The following CCSER1 variants were observed in gnomAD, a reference collection of about 807,000 sequenced individuals.
CCSER1 encodes the protein serine-rich coiled-coil domain-containing protein 1.
Under a neutral mutation model 82.0 loss-of-function variants are expected in CCSER1, and 41 were observed. The observed-to-expected ratio is 0.50, with a 90% CI of 0.39 to 0.65. CCSER1 has a LOEUF of 0.65. Ranked by LOEUF, CCSER1 falls within the 30% of genes least tolerant of loss-of-function variation. CCSER1 has a pLI of 0.00. For missense variants in CCSER1, 1,119 were observed against 1,064.2 expected (o/e 1.05, Z -0.72); for synonymous variants, 414 against 383.9 (o/e 1.08, Z -0.92).
intron 9 of CCSER1, among the ~76,000 whole-genome samples, chr4:91,047,394 G>A (rs1304438091): frequency 6.6e-6 from 1 of 151,954 alleles, no homozygotes; most frequent in Non-Finnish European, 1.5e-5. Context: ...GTGAAACCCT[G>A]AAAAATAATG....
intron 7 of CCSER1, among the ~76,000 whole-genome samples, chr4:90,785,240 G>A (rs1754328537): frequency 6.6e-6 from 1 of 151,968 alleles, no homozygotes; most frequent in South Asian, 2.1e-4. Flanking sequence ...GTTTCACCAT[G>A]TTGTCCAGGC....
intron 9 of CCSER1, among the ~76,000 whole-genome samples, chr4:90,955,462 C>T (rs190399024): frequency 7.9e-5 from 12 of 152,236 alleles, no homozygotes; most frequent in Non-Finnish European, 1.6e-4. Flanking sequence ...ATCAAACTCC[C>T]AATAGTAAAC....
At chr4:90,782,557 T>TG (rs1753913700) in intron 7 of CCSER1, among the ~76,000 whole-genome samples, 1 of 152,000 alleles carries the variant, frequency 6.6e-6, no homozygotes, top group African/African-American at 2.4e-5. Context: ...GCAGTGGCAA[T>TG]GGGAATTTAA....
intron 3 of CCSER1, among the ~76,000 whole-genome samples, chr4:90,347,032 T>C (rs1235257283): frequency 6.6e-6 from 1 of 152,156 alleles, no homozygotes; most frequent in African/African-American, 2.4e-5. Flanking sequence ...AGCTCTGATC[T>C]TTCCGAAGGC....
At chr4:91,056,180 T>G (rs1307461148) in intron 9 of CCSER1, among the ~76,000 whole-genome samples, 2 of 152,126 alleles carry the variant, frequency 1.3e-5, no homozygotes, top group African/African-American at 4.8e-5. Flanking sequence ...GTCATCAGCT[T>G]CCTCTCAGGG....
At chr4:91,146,743 T>G (rs575814647) in intron 10 of CCSER1, among the ~76,000 whole-genome samples, 1 of 152,306 alleles carries the variant, frequency 6.6e-6, no homozygotes, top group African/African-American at 2.4e-5. Context: ...ACGTTGATAG[T>G]TTCCTTCATG....
intron 9 of CCSER1, among the ~76,000 whole-genome samples, chr4:90,952,596 A>G (rs973658990): frequency 6.6e-6 from 1 of 152,038 alleles, no homozygotes; most frequent in Non-Finnish European, 1.5e-5. Flanking sequence ...TTACTATCTC[A>G]TAGAATTCCT....
At chr4:91,194,111 A>G (rs1735217382) in intron 10 of CCSER1, among the ~76,000 whole-genome samples, 1 of 152,182 alleles carries the variant, frequency 6.6e-6, no homozygotes, top group Non-Finnish European at 1.5e-5. Flanking sequence ...CTGGGATTGC[A>G]GGCATGCACC....
intron 10 of CCSER1, among the ~76,000 whole-genome samples, chr4:91,108,716 T>C (rs535167810): frequency 4.4e-4 from 67 of 152,230 alleles, no homozygotes; most frequent in Non-Finnish European, 8.4e-4. Context: ...ATTCATTTCT[T>C]GCTTCCAATG....
chr4:91,378,294 G>C (rs925616707), intron 10 of CCSER1, among the ~76,000 whole-genome samples: 1 of 152,094 alleles, frequency 6.6e-6, no homozygotes, highest in African/African-American at 2.4e-5. Context: ...AAGAAAGTCA[G>C]TGGTAGCTTG....
At chr4:91,165,337 G>A (rs1237390171) in intron 10 of CCSER1, among the ~76,000 whole-genome samples, 1 of 152,166 alleles carries the variant, frequency 6.6e-6, no homozygotes, top group Non-Finnish European at 1.5e-5. Flanking sequence ...TTGTCCCAGA[G>A]GGGTGCCTGC....
At chr4:91,168,656 C>T (rs1303612267) in intron 10 of CCSER1, among the ~76,000 whole-genome samples, 2 of 152,038 alleles carry the variant, frequency 1.3e-5, no homozygotes, top group Non-Finnish European at 2.9e-5. Flanking sequence ...TGAGGAGTGC[C>T]TCTGCCCGAC....
intron 10 of CCSER1, among the ~76,000 whole-genome samples, chr4:91,419,550 A>C (rs1753578221): frequency 1.3e-5 from 2 of 152,100 alleles, no homozygotes; most frequent in African/African-American, 2.4e-5. Context: ...TGATGAAAGA[A>C]ATTGAAGAAG....
At chr4:91,162,487 A>G (rs1473584258) in intron 10 of CCSER1, among the ~76,000 whole-genome samples, 2 of 152,154 alleles carry the variant, frequency 1.3e-5, no homozygotes, top group Non-Finnish European at 2.9e-5. Flanking sequence ...ATTGATTGGA[A>G]TATTTTCAGA....
intron 5 of CCSER1, among the ~76,000 whole-genome samples, chr4:90,536,637 A>G (rs1433624658): frequency 6.6e-6 from 1 of 152,242 alleles, no homozygotes; most frequent in Non-Finnish European, 1.5e-5. Context: ...CTTAATGGCA[A>G]GTACATTGGC....
At chr4:90,948,056 G>T (rs1732468513) in intron 9 of CCSER1, among the ~76,000 whole-genome samples, 1 of 151,778 alleles carries the variant, frequency 6.6e-6, no homozygotes, top group African/African-American at 2.4e-5. Context: ...TGTAATTTTA[G>T]TTCATAAACA....
intron 10 of CCSER1, among the ~76,000 whole-genome samples, chr4:91,441,471 CAAAAT>C (rs1755140429): frequency 6.6e-6 from 1 of 152,034 alleles, no homozygotes; most frequent in Non-Finnish European, 1.5e-5. Context: ...GGACATAACT[CAAAAT>C]AATAAGAGCT....
At chr4:90,505,266 G>A (rs1030376324) in intron 5 of CCSER1, among the ~76,000 whole-genome samples, 2 of 152,210 alleles carry the variant, frequency 1.3e-5, no homozygotes, top group Admixed American at 1.3e-4. Context: ...GCTCCCATCT[G>A]GGGCACCCAG....
chr4:91,156,096 G>T (rs1730788997), intron 10 of CCSER1, among the ~76,000 whole-genome samples: 1 of 151,644 alleles, frequency 6.6e-6, no homozygotes, highest in African/African-American at 2.4e-5. Flanking sequence ...AGATACTTGG[G>T]GACATAAGTA....
Sources: allele counts gnomAD v4.1 joint callset (sites outside exome capture counted in the v4.1 genomes callset), GRCh38; gene constraint gnomAD v4.1.1; transcripts MANE v1.5; gene names NCBI Gene and HGNC (gene_info 2026-07-23, HGNC 2026-07-21).